Variants in ZNF300 observed in about 807,000 individuals in gnomAD.
The protein encoded by ZNF300 is kruppel-like zinc finger protein.
ZNF300 carries 6 observed loss-of-function variants against 13.9 expected under a neutral mutation model. The observed-to-expected ratio is 0.43, with a 90% CI of 0.24 to 0.85. The LOEUF is 0.85. Ranked by LOEUF, ZNF300 falls within the 40% of genes least tolerant of loss-of-function variation. The pLI is 0.25. For synonymous variants in ZNF300, 237 were observed against 242.2 expected (o/e 0.98, Z 0.20); for missense variants, 662 against 714.2 (o/e 0.93, Z 0.83).
rs894553548 is a variant in ZNF300 at position 150,896,048 on chromosome 5, A to G, written c.1191T>C (p.Ile397=). 4.3e-6 allele frequency: 7 copies of G among 1,613,394 alleles called. No individual in the cohort carries two copies. Among genetic ancestry groups the G allele is most frequent in the African/African-American group, 1.3e-5 (1 of 74,838 alleles). The stretch of plus-strand genomic sequence containing the variant: ...CTCCAGTATGAGCTCTGTGGTGTAT[A>G]ATCAGCTGTGACTTCTGGGAAAAGG... ...GKAFSQKSQL[I]IHHRAHTGEK... The change falls in exon 6 of 6, where the codon ATT becomes ATC. Residue 397 remains isoleucine (I), a synonymous_variant. Coordinates refer to ENST00000274599, the MANE Select transcript of ZNF300 (RefSeq NM_052860.4).
At position 150,895,399 on chromosome 5, in the gene ZNF300, C is replaced by T; in HGVS notation, c.*25G>A. 2.0e-6 allele frequency: 3 copies of T among 1,531,412 alleles called. No individual in the cohort carries two copies. Among genetic ancestry groups the T allele is most frequent in the Non-Finnish European group, 2.7e-6 (3 of 1,130,614 alleles). 94.9% of individuals were successfully genotyped at this position (1,531,412 alleles called of 1,614,324 possible). A position where few individuals can be genotyped will look rare whatever the true frequency, so the allele number is the denominator to read the frequency against. ...GTAATTATTAAGGCTTGAGCTAATA[C>T]TAAGGCTTTTCTGTGGCCAGTTCAT... On this transcript the variant is annotated 3_prime_UTR_variant, in exon 6 of 6. Transcript: ENST00000274599.
intron 2 of ZNF300, chr5:150,903,390 TATG>T (rs1755050961): frequency 6.5e-7 from 1 of 1,536,576 alleles, no homozygotes; most frequent in Non-Finnish European, 8.8e-7. Context: ...GTACCTATAA[TATG>T]ATCACATAGA....
rs1045816571 is a variant in ZNF300 at position 150,896,384 on chromosome 5, A to G, written c.855T>C (p.Ile285=). The stretch of plus-strand genomic sequence containing the variant: ...TTCCAGTATGAATTCTTTGATGTAC[A>G]ATGAGTTGTGACTTCTTAGCAAAGG... ...GKAFAKKSQL[I]VHQRIHTGKK... Residue 285 remains isoleucine, a synonymous_variant, in exon 6 of 6, where the codon ATT becomes ATC. Transcript: ENST00000274599. 3 of 1,613,680 alleles carry G rather than the reference A, an allele frequency of 1.9e-6. No homozygotes were observed. The highest frequency in any genetic ancestry group is 2.5e-6 in the Non-Finnish European group (3 of 1,179,844).
intron 3 of ZNF300, among the ~76,000 whole-genome samples, chr5:150,899,464 C>G (rs947369980): frequency 6.6e-6 from 1 of 151,804 alleles, no homozygotes; most frequent in Non-Finnish European, 1.5e-5. Flanking sequence ...AATGTCAGAG[C>G]TCTAGAAGAT....
chr5:150,898,632 A>T, intron 3 of ZNF300, 78 bp from the exon 4 acceptor site: 1 of 1,435,756 alleles, frequency 7.0e-7, no homozygotes, highest in South Asian at 1.5e-5. Flanking sequence ...CTACATCCAC[A>T]CCTAGTTTTG....
At position 150,896,974 on chromosome 5, in the gene ZNF300, C is replaced by G; in HGVS notation, c.266-1G>C. 1 of 1,598,478 alleles carries G rather than the reference C, an allele frequency of 6.3e-7. No individual in the cohort carries two copies. Among genetic ancestry groups the G allele is most frequent in the Non-Finnish European group, 8.5e-7 (1 of 1,173,528 alleles). On this transcript the variant is annotated splice_acceptor_variant, in intron 5 of 5. Transcript: ENST00000274599. LOFTEE classifies it high-confidence loss of function. ...GAGTTGTGAAGGTTACTCTTCCTGTCTAAAAGAAGAAAAGATACAATTTAA... is the reference window on the plus strand; with the variant it reads ...GAGTTGTGAAGGTTACTCTTCCTGTGTAAAAGAAGAAAAGATACAATTTAA...
rs1754720741 is a variant in ZNF300, at chr5:150,895,449, C to A, written c.1790G>T (p.Arg597Ile). Residue 597 changes from arginine to isoleucine, a missense_variant, in exon 6 of 6, where the codon AGA becomes ATA. Coordinates refer to ENST00000274599, the MANE Select transcript of ZNF300 (RefSeq NM_052860.4). ...IQKSQLTVHQRIHTVVKS is the reference protein window; with the variant it reads ...IQKSQLTVHQIIHTVVKS ...TTATGATTTTACCACTGTGTGAATT[C>A]TCTGGTGTACAGTTAGTTGTGACTT... 2.5e-6 allele frequency: 4 copies of A among 1,606,936 alleles called. No individual in the cohort carries two copies. The highest frequency in any genetic ancestry group is 2.2e-5 in the East Asian group (1 of 44,700).
At chr5:150,899,411 AT>A (rs953565736) in intron 3 of ZNF300, among the ~76,000 whole-genome samples, 17 of 150,934 alleles carry the variant, frequency 1.1e-4, no homozygotes, top group East Asian at 6.0e-4. Context: ...TTGTAAGTAC[AT>A]TTTTTTTTAA....
chr5:150,898,470 T>C lies in ZNF300; in HGVS notation c.100A>G (p.Arg34Gly), dbSNP rs764503988. 1 of 1,613,394 alleles carries C rather than the reference T, an allele frequency of 6.2e-7. No homozygotes were observed. Among genetic ancestry groups the C allele is most frequent in the Middle Eastern group, 1.7e-4 (1 of 6,056 alleles). Residue 34 changes from arginine to glycine, a missense_variant, in exon 4 of 6, where the codon AGG becomes GGG. Arg to Gly is a moderately radical substitution (Grantham distance 125). Transcript: ENST00000274599. ...QLDPSQRTLY[R>G]DVMLENYSHL... ...CTGTAGTTCTCCAGCATCACATCCC[T>C]GTACAGGGTCCTCTGAGAAGGGTCA...
chr5:150,896,780 G>T lies in ZNF300; in HGVS notation c.459C>A (p.Ser153Arg). ...GCCCTGATGCCTCAGTCACTGTTTT[G>T]CTGTTAACAAATGTGACCTGCCTGA... ...KLFRQVTFVN[S>R]KTVTEASGHK... is the part of the protein sequence containing the mutation. Residue 153 changes from serine (S) to arginine (R), a missense_variant, in exon 6 of 6, where the codon AGC becomes AGA. Transcript: ENST00000274599. 2 of 1,613,684 alleles carry T rather than the reference G, an allele frequency of 1.2e-6. No individual in the cohort carries two copies. Among genetic ancestry groups the T allele is most frequent in the Non-Finnish European group, 1.7e-6 (2 of 1,179,772 alleles).
intron 3 of ZNF300, among the ~76,000 whole-genome samples, chr5:150,902,610 A>AACTT (rs1477714169): frequency 5.9e-5 from 9 of 152,318 alleles, no homozygotes; most frequent in Middle Eastern, 3.4e-3. Context: ...TGCTCCATAA[A>AACTT]ACTTTCTTTA....
Position 150,897,941 on chromosome 5 carries a change from CTTG to C in ZNF300, c.265+118_265+120del. The C allele has an allele frequency of 3.3e-6, 4 of 1,217,324 alleles. No individual in the cohort carries two copies. In the South Asian group the frequency reaches 4.6e-5, roughly 14 times the overall value. The allele number at this position is 1,217,324 out of a possible 1,614,324, so 75.4% of individuals were successfully genotyped here. A position where few individuals can be genotyped will look rare whatever the true frequency, so the allele number is the denominator to read the frequency against. The stretch of plus-strand genomic sequence containing the variant: ...ACTCCTCTGAAAGGCTTCACAATTA[CTTG>C]TTGAGTGACTACTAAATTCTCAGCA... On this transcript the variant is annotated intron_variant, in intron 5 of 5. Transcript: ENST00000274599.
Position 150,896,564 on chromosome 5 carries a change from A to T in ZNF300, c.675T>A (p.Ser225Arg), listed in dbSNP as rs755312771. ...TCTTCTCAAGATTAGAATTGGGCTC[A>T]CTCTGGCTAGATGATTTTCCACCTC... Reference protein sequence around the residue: ...SFGGGKSSSQSEPNSNLEKIH... With the variant: ...SFGGGKSSSQREPNSNLEKIH... The change falls in exon 6 of 6, where the codon AGT becomes AGA. Residue 225 changes from serine (S) to arginine (R), a missense_variant. Ser to Arg is a moderately radical substitution (Grantham distance 110, BLOSUM62 -1). Coordinates refer to ENST00000274599, the MANE Select transcript of ZNF300 (RefSeq NM_052860.4). 4 of 1,613,598 alleles carry T rather than the reference A, an allele frequency of 2.5e-6. No individual in the cohort carries two copies. In the South Asian group the frequency reaches 4.4e-5, roughly 18 times the overall value.
intron 3 of ZNF300, among the ~76,000 whole-genome samples, chr5:150,902,935 G>C (rs974636392): frequency 9.2e-5 from 14 of 152,164 alleles, no homozygotes; most frequent in African/African-American, 3.4e-4. Context: ...CATGATGTCT[G>C]CAAGTAAGAT....
rs767837541 is a variant in ZNF300, at chr5:150,904,871, C to A, written c.-309G>T. ...CGAGGCTGCGCCGTTCCGTACTGGG[C>A]GGTTTTGCCCGTTCCGCATCTTCAG... On this transcript the variant is annotated 5_prime_UTR_variant, in exon 1 of 6. Coordinates refer to ENST00000274599, the MANE Select transcript of ZNF300 (RefSeq NM_052860.4). The A allele has an allele frequency of 6.6e-6, 1 of 152,404 alleles. No individual in the cohort carries two copies. The highest frequency in any genetic ancestry group is 1.5e-5 in the Non-Finnish European group (1 of 68,142). 9.4% of individuals were successfully genotyped at this position (152,404 alleles called of 1,614,324 possible). A position where few individuals can be genotyped will look rare whatever the true frequency, so the allele number is the denominator to read the frequency against.
Position 150,896,194 on chromosome 5 carries a change from C to G in ZNF300, c.1045G>C (p.Gly349Arg). The change falls in exon 6 of 6, where the codon GGG becomes CGG. Residue 349 changes from glycine (G) to arginine (R), a missense_variant. Coordinates refer to ENST00000274599, the MANE Select transcript of ZNF300 (RefSeq NM_052860.4). ...SLIIHQRVHT[G>R]EKPYECSECG... ...TCACTACATTCATAGGGTTTTTCCC[C>G]AGTGTGAACTCTCTGATGTATAATA... 6.2e-7 allele frequency: 1 copy of G among 1,613,528 alleles called. No individual in the cohort carries two copies. The highest frequency in any genetic ancestry group is 8.5e-7 in the Non-Finnish European group (1 of 1,179,762).
chr5:150,896,578 AT>A lies in ZNF300; in HGVS notation c.660del (p.Lys220AsnfsTer19). The A allele has an allele frequency of 6.2e-7, 1 of 1,613,658 alleles. No homozygotes were observed. Among genetic ancestry groups the A allele is most frequent in the Non-Finnish European group, 8.5e-7 (1 of 1,179,820 alleles). On this transcript the variant is annotated frameshift_variant, in exon 6 of 6. Coordinates refer to ENST00000274599, the MANE Select transcript of ZNF300 (RefSeq NM_052860.4). LOFTEE classifies it low-confidence loss of function (END_TRUNC). Reference sequence around the variant, plus strand: ...GAATTGGGCTCACTCTGGCTAGATGATTTTCCACCTCCAAAACTCTGATCAG... The same window carrying A: ...GAATTGGGCTCACTCTGGCTAGATGATTTCCACCTCCAAAACTCTGATCAG... ...KKPDQSFGGG[K>X]SSSQSEPNSN...
intron 2 of ZNF300, among the ~76,000 whole-genome samples, 173 bp downstream of exon 2, chr5:150,903,691 A>G (rs757550998): frequency 4.4e-4 from 67 of 152,252 alleles, no homozygotes; most frequent in Admixed American, 9.8e-4. Flanking sequence ...CCCCCAACTT[A>G]GAAAACTCTT....
chr5:150,902,374 T>C (rs1755021016), intron 3 of ZNF300, among the ~76,000 whole-genome samples: 1 of 152,164 alleles, frequency 6.6e-6, no homozygotes. Context: ...TAGAAAAACA[T>C]TCAAAATGTG....
Sources: allele counts gnomAD v4.1 joint callset (sites outside exome capture counted in the v4.1 genomes callset), GRCh38; gene constraint gnomAD v4.1.1; transcripts MANE v1.5; gene names NCBI Gene and HGNC (gene_info 2026-07-23, HGNC 2026-07-21).